Variants in LRRFIP2 observed in about 807,000 individuals in gnomAD.
LRRFIP2 encodes LRR binding FLII interacting protein 2.
Under a neutral mutation model 125.9 loss-of-function variants are expected in LRRFIP2, and 109 were observed. The ratio of observed to expected loss-of-function variants is 0.87; its 90% CI spans 0.74 to 1.01. LRRFIP2 has a LOEUF of 1.01. Ranked by LOEUF, LRRFIP2 falls within the 50% of genes least tolerant of loss-of-function variation. LRRFIP2 has a pLI of 0.00. For synonymous variants in LRRFIP2, 291 were observed against 293.1 expected, an observed-to-expected ratio of 0.99 and a Z score of 0.07; for missense variants, 850 against 862.3, an observed-to-expected ratio of 0.99 and a Z score of 0.18.
At chr3:37,090,472 C>T (rs1199292684) in intron 18 of LRRFIP2, among the ~76,000 whole-genome samples, 2 of 152,124 alleles carry the variant, frequency 1.3e-5, no homozygotes, top group African/African-American at 4.8e-5. Flanking sequence ...TCAGGTCATC[C>T]GCCCACCTCG....
intron 26 of LRRFIP2, 70 bp from the exon 27 acceptor site, chr3:37,054,585 G>GA: frequency 1.0e-6 from 1 of 971,024 alleles, no homozygotes; most frequent in Non-Finnish European, 1.6e-6. Flanking sequence ...AGCCAGGATG[G>GA]AAATACAATG....
chr3:37,109,828 T>C (rs1248537698), intron 9 of LRRFIP2, 125 bp from the exon 10 acceptor site: 1 of 748,940 alleles, frequency 1.3e-6, no homozygotes, highest in African/African-American at 1.8e-5. Context: ...AATTCCTGAG[T>C]GCTTAAGGTA....
intron 6 of LRRFIP2, among the ~76,000 whole-genome samples, chr3:37,115,925 T>C (rs546008386): frequency 2.4e-4 from 37 of 152,302 alleles, no homozygotes; most frequent in Admixed American, 2.4e-3. Flanking sequence ...ACCCAGAAAG[T>C]CATATACAAA....
intron 4 of LRRFIP2, 150 bp from the exon 5 acceptor site, chr3:37,121,841 CGTGTGTGTGTGTGTGTGTGTGTGTGT>C (rs60540567): frequency 1.6e-4 from 86 of 521,616 alleles, no homozygotes; most frequent in Middle Eastern, 9.9e-4. Context: ...CAGCCACATT[CGTGTGTGTGTGTGTGTGTGTGTGTGT>C]GTGTGTGTGT....
In LRRFIP2 at chr3:37,111,261, T is replaced by C. The variant is rs80023337; in HGVS notation, c.439-196A>G. On this transcript the variant is annotated intron_variant, in intron 8 of 27. Transcript: ENST00000336686. ...CAAGCCCCTAAAACAAAGACATTACTAAATTTTTAAATTTAAAAACAAGAC... is the reference window on the plus strand; with the variant it reads ...CAAGCCCCTAAAACAAAGACATTACCAAATTTTTAAATTTAAAAACAAGAC... 2.8e-3 allele frequency among the ~76,000 whole-genome samples: 421 copies of C among 152,274 alleles called. 3 individuals are homozygous for C. The highest frequency in any genetic ancestry group is 9.7e-3 in the African/African-American group (404 of 41,534).
rs947517216 is a variant in LRRFIP2, at chr3:37,094,920, A to G, written c.919-12T>C. On this transcript the variant is annotated splice_polypyrimidine_tract_variant and intron_variant, in intron 16 of 27. Coordinates refer to ENST00000336686, the MANE Select transcript of LRRFIP2 (RefSeq NM_006309.4). ...TTTCGAGATGAAGGCTAGAAAGAGA[A>G]ATATGACCCTTCTAAGTCTCATTTC... The G allele has an allele frequency of 6.9e-7, 1 of 1,452,822 alleles. No homozygotes were observed. The highest frequency in any genetic ancestry group is 9.7e-7 in the Non-Finnish European group (1 of 1,033,026). 90.0% of individuals were successfully genotyped at this position (1,452,822 alleles called of 1,614,324 possible).
intron 4 of LRRFIP2, among the ~76,000 whole-genome samples, chr3:37,124,080 C>T (rs1193204727): frequency 1.3e-5 from 2 of 152,236 alleles, no homozygotes; most frequent in Non-Finnish European, 2.9e-5. Flanking sequence ...CAGTCACAAA[C>T]TATACCTTAA....
intron 24 of LRRFIP2, among the ~76,000 whole-genome samples, chr3:37,061,451 G>A (rs552577836): frequency 1.3e-5 from 2 of 150,514 alleles, no homozygotes; most frequent in Admixed American, 1.3e-4. Flanking sequence ...GCCACCCAAG[G>A]CTGGAGTGCA....
intron 25 of LRRFIP2, among the ~76,000 whole-genome samples, chr3:37,057,537 T>TA: frequency 6.7e-6 from 1 of 150,284 alleles, no homozygotes; most frequent in East Asian, 1.9e-4. Flanking sequence ...CTTTTCTCTT[T>TA]TTTTTTTTTT....
chr3:37,084,000 A>G (rs1241103883), intron 18 of LRRFIP2, among the ~76,000 whole-genome samples, 194 bp from the exon 19 acceptor site: 2 of 152,244 alleles, frequency 1.3e-5, no homozygotes, highest in East Asian at 3.8e-4. Flanking sequence ...TGCCTTTATA[A>G]GAACAATATG....
At chr3:37,072,706 G>T (rs2091439630) in intron 21 of LRRFIP2, 84 bp downstream of exon 21, 3 of 780,632 alleles carry the variant, frequency 3.8e-6, no homozygotes, top group Admixed American at 4.6e-5. Flanking sequence ...GAATCAAAAG[G>T]ACAGGTTTTT....
intron 19 of LRRFIP2, among the ~76,000 whole-genome samples, chr3:37,077,297 C>A (rs969601235): frequency 1.3e-5 from 2 of 152,078 alleles, no homozygotes; most frequent in African/African-American, 4.8e-5. Context: ...ATATAGGGAA[C>A]TGGTAGAATA....
intron 1 of LRRFIP2, among the ~76,000 whole-genome samples, chr3:37,168,749 T>A (rs1263920691): frequency 6.6e-6 from 1 of 152,170 alleles, no homozygotes; most frequent in African/African-American, 2.4e-5. Context: ...TCCCATAAGA[T>A]TATAATGGAG....
At chr3:37,134,781 G>A in intron 2 of LRRFIP2, 1 of 800,058 alleles carries the variant, frequency 1.2e-6, no homozygotes, top group Non-Finnish European at 2.2e-6. Flanking sequence ...GGGACCTAAT[G>A]ACAGCCCATA....
intron 2 of LRRFIP2, among the ~76,000 whole-genome samples, chr3:37,142,286 G>A (rs568863554): frequency 5.9e-4 from 89 of 151,506 alleles, no homozygotes; most frequent in Non-Finnish European, 7.2e-4. Flanking sequence ...CTACAAGCAC[G>A]TGTCACCATG....
chr3:37,085,276 G>A (rs891599529), intron 18 of LRRFIP2, among the ~76,000 whole-genome samples: 1 of 152,160 alleles, frequency 6.6e-6, no homozygotes, highest in Non-Finnish European at 1.5e-5. Context: ...TTGGGAGGCT[G>A]AGGCAGGTGG....
chr3:37,071,313 G>A (rs145454564), intron 21 of LRRFIP2, among the ~76,000 whole-genome samples: 4 of 152,292 alleles, frequency 2.6e-5, no homozygotes, highest in African/African-American at 4.8e-5. Flanking sequence ...CATCGTGTGG[G>A]CTCCAGTGAT....
chr3:37,141,953 T>G (rs1028207608), intron 2 of LRRFIP2, among the ~76,000 whole-genome samples: 3 of 152,146 alleles, frequency 2.0e-5, no homozygotes, highest in Non-Finnish European at 4.4e-5. Context: ...CCTGCCTTTT[T>G]GTTTGTTTGT....
chr3:37,145,160 G>A (rs1305145284), intron 2 of LRRFIP2, among the ~76,000 whole-genome samples: 1 of 152,140 alleles, frequency 6.6e-6, no homozygotes, highest in Non-Finnish European at 1.5e-5. Flanking sequence ...GTTTTTGGTA[G>A]TTGAGGACAA....
Sources: gnomAD v4.1 joint callset for allele counts (sites outside exome capture counted in the v4.1 genomes callset) on GRCh38, gnomAD v4.1.1 for gene constraint, MANE v1.5 for transcripts, NCBI Gene and HGNC (gene_info 2026-07-23, HGNC 2026-07-21) for gene names.